The following PIGF variants were observed in gnomAD, a reference collection of about 807,000 sequenced individuals.
PIGF encodes phosphatidylinositol glycan anchor biosynthesis class F.
PIGF carries 23 observed loss-of-function variants against 26.0 expected under a neutral mutation model. The observed-to-expected ratio is 0.88, with a 90% CI of 0.64 to 1.25. The LOEUF (loss-of-function observed/expected upper bound fraction) is 1.25, where lower values mean the gene tolerates loss of function less well. PIGF is among the 50% of genes most tolerant of loss of function. The pLI, the probability that PIGF is intolerant of heterozygous loss-of-function variation, is 0.00. For missense variants in PIGF, 278 were observed against 249.9 expected (o/e 1.11, Z -0.76); for synonymous variants, 93 against 92.6 (o/e 1.00, Z -0.03).
At chr2:46,614,756 A>T (rs180924711) in intron 2 of PIGF, 181 bp downstream of exon 2, 226 of 533,308 alleles carry the variant, frequency 4.2e-4, no homozygotes, top group Non-Finnish European at 2.7e-5. Context: ...CAAGGCAAGG[A>T]TCAATCAAAC....
At chr2:46,593,831 C>T (rs1669797536) in intron 4 of PIGF, among the ~76,000 whole-genome samples, 1 of 152,180 alleles carries the variant, frequency 6.6e-6, no homozygotes, top group Non-Finnish European at 1.5e-5. Context: ...TAACTAGAAA[C>T]AGGCCAATTA....
chr2:46,613,803 A>T lies in PIGF; in HGVS notation c.229-18T>A. 1 of 1,516,924 alleles carries T rather than the reference A, an allele frequency of 6.6e-7. No individual in the cohort carries two copies. 94.0% of individuals were successfully genotyped at this position (1,516,924 alleles called of 1,614,324 possible). A position where few individuals can be genotyped will look rare whatever the true frequency, so the allele number is the denominator to read the frequency against. On this transcript the variant is annotated intron_variant, in intron 2 of 5. Transcript: ENST00000281382. ...CCAGTTACCTAAAAGAGAAATGAAT[A>T]ACCTGAAGATTCAAGATAATGCTTA...
At chr2:46,612,369 T>C in intron 3 of PIGF, 25 bp from the exon 4 acceptor site, 1 of 893,410 alleles carries the variant, frequency 1.1e-6, no homozygotes, top group South Asian at 1.8e-5. Context: ...AGATTACTTT[T>C]TAAAAAAGTG....
intron 3 of PIGF, 26 bp from the exon 4 acceptor site, chr2:46,612,370 T>C: frequency 1.1e-6 from 1 of 871,156 alleles, no homozygotes; most frequent in Non-Finnish European, 1.8e-6. Flanking sequence ...GATTACTTTT[T>C]AAAAAAGTGT....
chr2:46,599,145 T>C (rs1055474995), intron 4 of PIGF, among the ~76,000 whole-genome samples: 4 of 152,172 alleles, frequency 2.6e-5, no homozygotes, highest in East Asian at 1.9e-4. Context: ...CCCAAAGAGA[T>C]TGTACCCAAC....
At chr2:46,599,390 T>C (rs1669988625) in intron 4 of PIGF, among the ~76,000 whole-genome samples, 1 of 152,188 alleles carries the variant, frequency 6.6e-6, no homozygotes, top group African/African-American at 2.4e-5. Context: ...CTTTGAATCA[T>C]TTTTTGTTGG....
At chr2:46,613,621 G>A in intron 3 of PIGF, 73 bp downstream of exon 3, 2 of 1,110,454 alleles carry the variant, frequency 1.8e-6, no homozygotes, top group Non-Finnish European at 2.5e-6. Context: ...TTCTCTAGTT[G>A]CTAAGAATTA....
chr2:46,608,226 T>C (rs1424063559), intron 4 of PIGF, among the ~76,000 whole-genome samples: 1 of 152,252 alleles, frequency 6.6e-6, no homozygotes, highest in Non-Finnish European at 1.5e-5. Context: ...ACAATATTCA[T>C]GGCATCTTCA....
At chr2:46,594,298 A>C (rs867642990) in intron 4 of PIGF, among the ~76,000 whole-genome samples, 3 of 152,218 alleles carry the variant, frequency 2.0e-5, no homozygotes, top group Non-Finnish European at 4.4e-5. Context: ...TGTGCCTGGA[A>C]ACATAAGGTG....
At chr2:46,582,588 C>T (rs1669434355) in intron 5 of PIGF, 1 of 152,490 alleles carries the variant, frequency 6.6e-6, no homozygotes, top group Non-Finnish European at 1.5e-5. Flanking sequence ...TTTTTTCTAG[C>T]CTTTCCTACA....
intron 2 of PIGF, 190 bp from the exon 3 acceptor site, chr2:46,613,975 C>G (rs142871231): frequency 1.1e-4 from 57 of 504,412 alleles, no homozygotes; most frequent in Admixed American, 1.7e-4. Context: ...CTAAAAAAGC[C>G]TAAAAGGCAA....
intron 4 of PIGF, among the ~76,000 whole-genome samples, chr2:46,600,543 G>A (rs910371107): frequency 1.1e-4 from 17 of 152,254 alleles, no homozygotes; most frequent in Middle Eastern, 3.4e-3. Context: ...CCCTGATGAT[G>A]AGACTAATTA....
chr2:46,607,664 A>G (rs1406334430), intron 4 of PIGF, among the ~76,000 whole-genome samples: 1 of 151,540 alleles, frequency 6.6e-6, no homozygotes, highest in African/African-American at 2.4e-5. Flanking sequence ...CTGACTGATC[A>G]GGGTGGTGGT....
intron 4 of PIGF, among the ~76,000 whole-genome samples, chr2:46,603,508 G>C (rs975282205): frequency 6.6e-6 from 1 of 151,568 alleles, no homozygotes; most frequent in East Asian, 1.9e-4. Flanking sequence ...CATAAAAACA[G>C]GCACATAGAC....
intron 5 of PIGF, among the ~76,000 whole-genome samples, chr2:46,590,458 T>C (rs1669692963): frequency 6.6e-6 from 1 of 152,114 alleles, no homozygotes; most frequent in African/African-American, 2.4e-5. Flanking sequence ...CACTGTCTTG[T>C]AAACAGAAAA....
chr2:46,587,677 TA>T (rs541790373), intron 5 of PIGF, among the ~76,000 whole-genome samples: 114 of 152,308 alleles, frequency 7.5e-4, no homozygotes, highest in African/African-American at 2.7e-3. Context: ...CAAATATTTT[TA>T]AAGATTGTAG....
At chr2:46,590,528 A>C (rs1669695172) in intron 5 of PIGF, among the ~76,000 whole-genome samples, 1 of 1,268 alleles carries the variant, frequency 7.9e-4, no homozygotes, top group Non-Finnish European at 1.5e-3. Context: ...ATCATATACA[A>C]AATGATTATT....
chr2:46,602,061 A>G (rs1006243577), intron 4 of PIGF, among the ~76,000 whole-genome samples: 22 of 151,976 alleles, frequency 1.4e-4, no homozygotes, highest in African/African-American at 4.1e-4. Flanking sequence ...TTTAATGCCA[A>G]TGCAATAACT....
At chr2:46,616,046 C>A (rs1670611289) in intron 1 of PIGF, 1 of 112,538 alleles carries the variant, frequency 8.9e-6, no homozygotes, top group South Asian at 2.6e-4. Flanking sequence ...CACACACACG[C>A]ACACGCGCGC....
Sources: allele counts gnomAD v4.1 joint callset (sites outside exome capture counted in the v4.1 genomes callset), GRCh38; gene constraint gnomAD v4.1.1; transcripts MANE v1.5; gene names NCBI Gene and HGNC (gene_info 2026-07-23, HGNC 2026-07-21).